ZDHHC21: variants seen among roughly 807,000 people sequenced by gnomAD.
ZDHHC21 encodes the protein zDHHC palmitoyltransferase 21, also known as palmitoyltransferase ZDHHC21.
In ZDHHC21, 15 loss-of-function variants were observed where a neutral mutation model predicts 34.6. The observed-to-expected ratio is 0.43, with a 90% CI of 0.29 to 0.67. The LOEUF (loss-of-function observed/expected upper bound fraction) is 0.67, where lower values mean the gene tolerates loss of function less well. Ranked by LOEUF, ZDHHC21 falls within the 30% of genes least tolerant of loss-of-function variation. The pLI is 0.14. For synonymous variants in ZDHHC21, 142 were observed against 101.8 expected, an observed-to-expected ratio of 1.40 and a Z score of -2.38; for missense variants, 344 against 327.7, an observed-to-expected ratio of 1.05 and a Z score of -0.38.
At chr9:14,603,629 T>C in the ZDHHC21 span, among the ~76,000 whole-genome samples, 170 of 152,320 alleles carry the variant, frequency 1.1e-3, 3 homozygotes, top group African/African-American at 3.9e-3. Context: ...ATGTGATATA[T>C]AAATTACTGA....
At chr9:14,662,120 A>G in intron 6 of ZDHHC21, 95 bp downstream of exon 6, 1 of 742,014 alleles carries the variant, frequency 1.3e-6, no homozygotes, top group Non-Finnish European at 2.1e-6. Context: ...AAACTATATA[A>G]CTTTAACATA....
intron 2 of ZDHHC21, among the ~76,000 whole-genome samples, chr9:14,682,595 G>A (rs1587455836): frequency 6.6e-6 from 1 of 152,174 alleles, no homozygotes; most frequent in Non-Finnish European, 1.5e-5. Flanking sequence ...AATAATGGGA[G>A]ACTTTAGCAC....
Position 14,658,877 on chromosome 9 carries a change from A to G in ZDHHC21, c.376T>C (p.Cys126Arg). 2 of 1,610,796 alleles carry G rather than the reference A, an allele frequency of 1.2e-6. No homozygotes were observed. Among genetic ancestry groups the G allele is most frequent in the Non-Finnish European group, 1.7e-6 (2 of 1,178,934 alleles). Residue 126 changes from cysteine to arginine, a missense_variant, in exon 7 of 10, where the codon TGT becomes CGT. Coordinates refer to ENST00000380916, the MANE Select transcript of ZDHHC21 (RefSeq NM_178566.6). ...AGCCAATGATTATCTTCACCAACAC[A>G]ATTGTTAATCCTAAAGAAAAAAAAT... ...MDHHCPWINNCVGEDNHWLFL... is the reference protein window; with the variant it reads ...MDHHCPWINNRVGEDNHWLFL...
chr9:14,672,763 A>C lies in ZDHHC21; in HGVS notation c.253+67T>G, dbSNP rs928708180. On this transcript the variant is annotated intron_variant, in intron 5 of 9. Coordinates refer to ENST00000380916, the MANE Select transcript of ZDHHC21 (RefSeq NM_178566.6). The stretch of plus-strand genomic sequence containing the variant: ...TTTATAACCAATATATATTAAAGGC[A>C]ATAAAATATGTAAATAAAGACAGTA... The C allele has an allele frequency of 1.4e-4, 153 of 1,078,104 alleles. 1 individual carries two copies. The highest frequency in any genetic ancestry group is 2.0e-4 in the Non-Finnish European group (149 of 727,398). The allele number at this position is 1,078,104 out of a possible 1,614,324, so 66.8% of individuals were successfully genotyped here.
chr9:14,679,031 T>C (rs768613618), intron 3 of ZDHHC21, among the ~76,000 whole-genome samples: 17 of 152,162 alleles, frequency 1.1e-4, no homozygotes, highest in Non-Finnish European at 2.1e-4. Flanking sequence ...GAACTCTCTG[T>C]GGTGCTAACA....
At chr9:14,646,387 T>C (rs1236277931) in intron 7 of ZDHHC21, among the ~76,000 whole-genome samples, 2 of 152,162 alleles carry the variant, frequency 1.3e-5, no homozygotes, top group African/African-American at 2.4e-5. Flanking sequence ...ATACAGAATA[T>C]AAAAATACTT....
At chr9:14,687,379 AG>A (rs1838487029) in intron 2 of ZDHHC21, among the ~76,000 whole-genome samples, 1 of 150,732 alleles carries the variant, frequency 6.6e-6, no homozygotes, top group South Asian at 2.1e-4. Context: ...TGGTAATAAA[AG>A]TAATGCTGGG....
intron 7 of ZDHHC21, among the ~76,000 whole-genome samples, chr9:14,656,033 TAAG>T (rs1417448858): frequency 2.0e-5 from 3 of 151,772 alleles, no homozygotes; most frequent in Non-Finnish European, 4.4e-5. Flanking sequence ...GAATCATTAC[TAAG>T]AATAAAGAGG....
downstream of ZDHHC21, among the ~76,000 whole-genome samples, chr9:14,607,703 A>G (rs1823059991): frequency 6.6e-6 from 1 of 152,148 alleles, no homozygotes; most frequent in African/African-American, 2.4e-5. Context: ...TCAATTTTTC[A>G]TGTTTACATA....
At chr9:14,603,319 ACCT>A in the ZDHHC21 span, among the ~76,000 whole-genome samples, 4 of 152,234 alleles carry the variant, frequency 2.6e-5, no homozygotes, top group South Asian at 4.1e-4. Context: ...AGGAGGAGTT[ACCT>A]CCTATTTGAG....
intron 7 of ZDHHC21, among the ~76,000 whole-genome samples, chr9:14,647,387 A>G (rs373367043): frequency 1.6e-4 from 24 of 152,248 alleles, no homozygotes; most frequent in African/African-American, 5.8e-4. Flanking sequence ...ATCTTCCTAT[A>G]AACTTATATC....
intron 8 of ZDHHC21, among the ~76,000 whole-genome samples, chr9:14,629,142 A>G (rs1222862457): frequency 1.3e-5 from 2 of 152,168 alleles, no homozygotes; most frequent in Non-Finnish European, 1.5e-5. Context: ...TTCTTTTTTG[A>G]TTGTTTTACA....
At chr9:14,673,539 A>C (rs999960957) in intron 4 of ZDHHC21, among the ~76,000 whole-genome samples, 1 of 151,896 alleles carries the variant, frequency 6.6e-6, no homozygotes, top group African/African-American at 2.4e-5. Context: ...TAAAAAAAAA[A>C]AACATACTGT....
At chr9:14,619,883 C>CAAAAAAAA (rs5896639) in intron 8 of ZDHHC21, among the ~76,000 whole-genome samples, 1 of 150,226 alleles carries the variant, frequency 6.7e-6, no homozygotes. Context: ...TTATACTATG[C>CAAAAAAAA]AAAAAAAAAC....
At chr9:14,692,469 G>C (rs1839297852) in intron 1 of ZDHHC21, among the ~76,000 whole-genome samples, 1 of 151,886 alleles carries the variant, frequency 6.6e-6, no homozygotes, top group Non-Finnish European at 1.5e-5. Flanking sequence ...TCTACTTTTA[G>C]AGACTGCTAT....
chr9:14,620,901 G>A (rs1825192720), intron 8 of ZDHHC21, among the ~76,000 whole-genome samples: 1 of 152,016 alleles, frequency 6.6e-6, no homozygotes, highest in Non-Finnish European at 1.5e-5. Context: ...ATCAAGCTGT[G>A]TAATTAATGG....
chr9:14,636,065 T>C (rs1470119111), intron 8 of ZDHHC21, among the ~76,000 whole-genome samples: 1 of 152,198 alleles, frequency 6.6e-6, no homozygotes, highest in Non-Finnish European at 1.5e-5. Flanking sequence ...ATATCAATAA[T>C]AATCTTTAAT....
intron 5 of ZDHHC21, among the ~76,000 whole-genome samples, chr9:14,662,889 G>A (rs756654116): frequency 4.6e-5 from 7 of 152,280 alleles, no homozygotes; most frequent in Non-Finnish European, 5.9e-5. Context: ...TATGGGACAG[G>A]TTAGAGAAGG....
chr9:14,664,680 C>G (rs1407324614), intron 5 of ZDHHC21, among the ~76,000 whole-genome samples: 1 of 151,864 alleles, frequency 6.6e-6, no homozygotes, highest in Non-Finnish European at 1.5e-5. Context: ...ACTGCCTCCT[C>G]AAGTGGGTCC....
Sources: gnomAD v4.1 joint callset for allele counts (sites outside exome capture counted in the v4.1 genomes callset) on GRCh38, gnomAD v4.1.1 for gene constraint, MANE v1.5 for transcripts, NCBI Gene and HGNC (gene_info 2026-07-23, HGNC 2026-07-21) for gene names.